The following GLG1 variants were observed in gnomAD, a reference collection of about 807,000 sequenced individuals.
GLG1 encodes golgi glycoprotein 1, also known as Golgi apparatus protein 1.
Under a neutral mutation model 160.5 loss-of-function variants are expected in GLG1, and 38 were observed. The observed-to-expected ratio is 0.24, with a 90% confidence interval of 0.18 to 0.31. The LOEUF (loss-of-function observed/expected upper bound fraction) is 0.31, where lower values mean the gene tolerates loss of function less well. Among genes scored for constraint, GLG1 ranks in the 10% least tolerant of loss-of-function variants. The pLI is 1.00. For synonymous variants in GLG1, 644 were observed against 543.4 expected (o/e 1.19, Z -2.57); for missense variants, 1,373 against 1,505.2 (o/e 0.91, Z 1.45).
chr16:74,541,496 T>C (rs1475328791), intron 1 of GLG1, among the ~76,000 whole-genome samples: 1 of 152,202 alleles, frequency 6.6e-6, no homozygotes, highest in Non-Finnish European at 1.5e-5. Flanking sequence ...CCAGTTCCAC[T>C]GCACATTTAT....
chr16:74,587,742 T>C (rs1958085378), intron 1 of GLG1, among the ~76,000 whole-genome samples: 1 of 152,068 alleles, frequency 6.6e-6, no homozygotes, highest in Non-Finnish European at 1.5e-5. Flanking sequence ...GGCACGTGCC[T>C]GTAGTCCGGA....
intron 5 of GLG1, among the ~76,000 whole-genome samples, chr16:74,495,513 T>G (rs1481642928): frequency 6.6e-6 from 1 of 151,878 alleles, no homozygotes; most frequent in Non-Finnish European, 1.5e-5. Flanking sequence ...GCAGGCAGAG[T>G]GGAAGTGTAC....
chr16:74,465,635 T>C (rs777418429), intron 19 of GLG1, 41 bp downstream of exon 19: 3 of 1,601,394 alleles, frequency 1.9e-6, no homozygotes, highest in South Asian at 1.1e-5. Context: ...TTTGTTGTTT[T>C]GTTGTTCATC....
chr16:74,479,446 G>GA (rs1231343562), intron 11 of GLG1, among the ~76,000 whole-genome samples: 2,466 of 116,110 alleles, frequency 0.021, 34 homozygotes, highest in Non-Finnish European at 0.033. Context: ...TATATGGAGA[G>GA]AAAAAAAAAA....
chr16:74,544,926 T>C (rs1022353056), intron 1 of GLG1, among the ~76,000 whole-genome samples: 2 of 151,224 alleles, frequency 1.3e-5, no homozygotes, highest in African/African-American at 4.9e-5. Flanking sequence ...TCTAGAAGAG[T>C]GTTAATTCTG....
intron 1 of GLG1, among the ~76,000 whole-genome samples, chr16:74,556,523 C>A (rs1341922398): frequency 6.6e-6 from 1 of 151,878 alleles, no homozygotes; most frequent in Admixed American, 6.6e-5. Flanking sequence ...AATGCCTCTA[C>A]AAATAAAATA....
At chr16:74,602,521 C>T (rs1382312156) in intron 1 of GLG1, among the ~76,000 whole-genome samples, 1 of 152,234 alleles carries the variant, frequency 6.6e-6, no homozygotes, top group Admixed American at 6.5e-5. Flanking sequence ...CGGTGACTCA[C>T]GCCTGTAATC....
At chr16:74,482,167 G>C (rs2015625054) in intron 10 of GLG1, among the ~76,000 whole-genome samples, 1 of 151,772 alleles carries the variant, frequency 6.6e-6, no homozygotes, top group African/African-American at 2.4e-5. Context: ...TTTTTTTTTA[G>C]TTTTTATAGA....
chr16:74,572,177 A>G (rs1260652432), intron 1 of GLG1, among the ~76,000 whole-genome samples: 1 of 152,174 alleles, frequency 6.6e-6, no homozygotes, highest in Non-Finnish European at 1.5e-5. Context: ...TAAGTTGATC[A>G]CCAAAGGGCA....
intron 2 of GLG1, among the ~76,000 whole-genome samples, chr16:74,519,717 A>C (rs2017099466): frequency 6.6e-6 from 1 of 152,034 alleles, no homozygotes; most frequent in African/African-American, 2.4e-5. Context: ...CCAAAGCCCC[A>C]CCCACTCCCC....
chr16:74,574,618 C>G (rs1456370127), intron 1 of GLG1, among the ~76,000 whole-genome samples: 1 of 151,968 alleles, frequency 6.6e-6, no homozygotes, highest in East Asian at 1.9e-4. Context: ...TGCAGTGGCT[C>G]ACGCCTGTAA....
chr16:74,583,211 T>A (rs576387333), intron 1 of GLG1, among the ~76,000 whole-genome samples: 1 of 152,334 alleles, frequency 6.6e-6, no homozygotes, highest in Non-Finnish European at 1.5e-5. Context: ...GCCATTTTCA[T>A]AGCCCCAACT....
intron 1 of GLG1, among the ~76,000 whole-genome samples, chr16:74,566,139 T>G (rs905559116): frequency 1.4e-4 from 22 of 152,310 alleles, no homozygotes; most frequent in Non-Finnish European, 3.2e-4. Context: ...ACCTCACTCA[T>G]AACGTCAACT....
intron 1 of GLG1, among the ~76,000 whole-genome samples, chr16:74,537,936 G>A (rs2017731147): frequency 1.3e-5 from 2 of 152,150 alleles, no homozygotes; most frequent in African/African-American, 4.8e-5. Context: ...TTTCCCCAAG[G>A]TGAACAGGCT....
rs528180719 is a variant in GLG1 at position 74,549,551 on chromosome 16, G to A, written c.439-17398C>T. Among the ~76,000 whole-genome samples, 5 of 152,260 alleles carry A rather than the reference G, an allele frequency of 3.3e-5. No individual in the cohort carries two copies. The South Asian group carries it at 6.2e-4, about 19-fold the overall frequency. The stretch of plus-strand genomic sequence containing the variant: ...TCCGCCCGCCTCAGCTTCCCAAGGT[G>A]CCAAGATTACAGGCGTGAGCCGCTG... On this transcript the variant is annotated intron_variant, in intron 1 of 25. Coordinates refer to ENST00000422840, the MANE Select transcript of GLG1 (RefSeq NM_001145667.2).
At chr16:74,591,308 G>A (rs1382673903) in intron 1 of GLG1, among the ~76,000 whole-genome samples, 1 of 150,124 alleles carries the variant, frequency 6.7e-6, no homozygotes, top group Non-Finnish European at 1.5e-5. Context: ...TCCAGCCTGG[G>A]TGACAAAGCA....
chr16:74,579,165 A>C (rs1957879070), intron 1 of GLG1, among the ~76,000 whole-genome samples: 1 of 151,814 alleles, frequency 6.6e-6, no homozygotes, highest in Non-Finnish European at 1.5e-5. Context: ...TGGGAGACAC[A>C]GCAAGACCCT....
chr16:74,465,425 C>T (rs1003039023), intron 19 of GLG1, among the ~76,000 whole-genome samples: 11 of 152,122 alleles, frequency 7.2e-5, no homozygotes, highest in Non-Finnish European at 1.6e-4. Context: ...CTGTGGTTTC[C>T]AAACTTGAGC....
chr16:74,492,434 G>C (rs1306190776), intron 7 of GLG1, among the ~76,000 whole-genome samples: 2 of 151,472 alleles, frequency 1.3e-5, no homozygotes, highest in Non-Finnish European at 2.9e-5. Context: ...TGTAATCCTA[G>C]CACTCTGGGA....
Sources: gnomAD v4.1 joint callset for allele counts (sites outside exome capture counted in the v4.1 genomes callset) on GRCh38, gnomAD v4.1.1 for gene constraint, MANE v1.5 for transcripts, NCBI Gene and HGNC (gene_info 2026-07-23, HGNC 2026-07-21) for gene names.